Variants in ZNF66 observed in about 807,000 individuals in gnomAD.
ZNF66 encodes putative zinc finger protein 66.
ZNF66 carries 32 observed loss-of-function variants against 35.2 expected under a neutral mutation model. The ratio of observed to expected loss-of-function variants is 0.91; its 90% confidence interval spans 0.69 to 1.22. The LOEUF is 1.22. Ranked by LOEUF, ZNF66 falls within the 50% of genes most tolerant of loss-of-function variation. The probability of loss-of-function intolerance (pLI) is 0.00; values close to 1 mark genes in which losing one functional copy is unlikely to be tolerated. For synonymous variants in ZNF66, 231 were observed against 181.3 expected (o/e 1.27, Z -2.20); for missense variants, 666 against 543.1 (o/e 1.23, Z -2.25).
intron 1 of ZNF66, chr19:20,785,000 T>C (rs1971274810): frequency 6.6e-6 from 1 of 152,470 alleles, no homozygotes; most frequent in Non-Finnish European, 1.5e-5. Context: ...TCTGATGTTA[T>C]CTCTATCTGG....
At chr19:20,797,207 T>TATATTAGTGTG (rs1568498029) in intron 3 of ZNF66, among the ~76,000 whole-genome samples, 53 of 98,322 alleles carry the variant, frequency 5.4e-4, no homozygotes, top group African/African-American at 2.3e-3. Context: ...TTTTTTTTTT[T>TATATTAGTGTG]TTTTTTTTTT....
At position 20,780,127 on chromosome 19, in the gene ZNF66, A is replaced by C. The variant is rs568035644; in HGVS notation, c.3+3677A>C. 2.1e-4 allele frequency among the ~76,000 whole-genome samples: 32 copies of C among 152,142 alleles called. 1 individual carries two copies. In the South Asian group the frequency reaches 5.8e-3, roughly 28 times the overall value. On this transcript the variant is annotated intron_variant, in intron 1 of 3. Coordinates refer to ENST00000344519, the MANE Select transcript of ZNF66 (RefSeq NM_001355197.2). ...AAATTATTTTGAGCACTGAAGACAA[A>C]TTCAGCTGTTTTTTTAATGAGAAAA...
At chr19:20,789,342 G>A (rs934924695) in intron 1 of ZNF66, among the ~76,000 whole-genome samples, 2 of 152,124 alleles carry the variant, frequency 1.3e-5, no homozygotes, top group African/African-American at 2.4e-5. Context: ...TTTCCTCAGA[G>A]AACTGATTAG....
intron 3 of ZNF66, among the ~76,000 whole-genome samples, chr19:20,803,131 T>A (rs994768180): frequency 2.0e-5 from 3 of 152,184 alleles, no homozygotes; most frequent in African/African-American, 7.2e-5. Flanking sequence ...CAACTGACTC[T>A]TGTAAAAAGG....
At position 20,807,663 on chromosome 19, in the gene ZNF66, C is replaced by T. The variant is rs1252238820; in HGVS notation, c.*341C>T. ...TGTGATGATCTCGGATCACTGAAAC[C>T]TCTGCCTCCCGGGTTCAAGCCATTT... On this transcript the variant is annotated 3_prime_UTR_variant, in exon 4 of 4. Coordinates refer to ENST00000344519, the MANE Select transcript of ZNF66 (RefSeq NM_001355197.2). 6.6e-6 allele frequency among the ~76,000 whole-genome samples: 1 copy of T among 151,380 alleles called. No individual in the cohort carries two copies. Among genetic ancestry groups the T allele is most frequent in the Admixed American group, 6.6e-5 (1 of 15,174 alleles).
chr19:20,805,922 C>T lies in ZNF66; in HGVS notation c.322C>T (p.His108Tyr), dbSNP rs778251510. ...ACTGAGAAGGCATAAAAAATGTGGA[C>T]ATGATAATTTGCAGTTAAAAAAAGG... ...LILRRHKKCGHDNLQLKKGCE... is the reference protein window; with the variant it reads ...LILRRHKKCGYDNLQLKKGCE... Residue 108 changes from histidine (H) to tyrosine (Y), a missense_variant, in exon 4 of 4, where the codon CAT becomes TAT. His to Tyr is a moderately conservative substitution (Grantham distance 83, BLOSUM62 2). Transcript: ENST00000344519. 4.1e-5 allele frequency: 28 copies of T among 675,218 alleles called. 1 individual carries two copies. The Middle Eastern group carries it at 2.5e-3, about 61-fold the overall frequency. 41.8% of individuals were successfully genotyped at this position (675,218 alleles called of 1,614,324 possible).
At chr19:20,778,731 C>T (rs532720844) in intron 1 of ZNF66, among the ~76,000 whole-genome samples, 15 of 149,016 alleles carry the variant, frequency 1.0e-4, no homozygotes, top group African/African-American at 2.5e-4. Context: ...TGCAGTGAGC[C>T]GAGATCATGC....
chr19:20,780,827 T>G (rs904013233), intron 1 of ZNF66, among the ~76,000 whole-genome samples: 67 of 152,080 alleles, frequency 4.4e-4, no homozygotes, highest in African/African-American at 1.4e-3. Context: ...GACTGAAAAC[T>G]TAGAGGACAG....
At chr19:20,800,519 T>C (rs1971438215) in intron 3 of ZNF66, among the ~76,000 whole-genome samples, 1 of 152,106 alleles carries the variant, frequency 6.6e-6, no homozygotes, top group Non-Finnish European at 1.5e-5. Flanking sequence ...GTGGGACATA[T>C]TTGGGTCATG....
Position 20,806,556 on chromosome 19 carries a change from G to A in ZNF66, c.956G>A (p.Gly319Asp). 1 of 1,562,932 alleles carries A rather than the reference G, an allele frequency of 6.4e-7. No homozygotes were observed. Among genetic ancestry groups the A allele is most frequent in the South Asian group, 1.1e-5 (1 of 90,032 alleles). ...GEKPYKCEEC[G>D]KAFNWSSHLT... is the part of the protein sequence containing the mutation. Reference sequence around the variant, plus strand: ...AAACCCTACAAATGTGAAGAATGTGGTAAAGCCTTCAACTGGTCCTCACAC... The same window carrying A: ...AAACCCTACAAATGTGAAGAATGTGATAAAGCCTTCAACTGGTCCTCACAC... Residue 319 changes from glycine (G) to aspartate (D), a missense_variant, in exon 4 of 4, where the codon GGT becomes GAT. Coordinates refer to ENST00000344519, the MANE Select transcript of ZNF66 (RefSeq NM_001355197.2).
intron 1 of ZNF66, among the ~76,000 whole-genome samples, chr19:20,780,688 A>C (rs1971237703): frequency 6.6e-6 from 1 of 152,048 alleles, no homozygotes; most frequent in Non-Finnish European, 1.5e-5. Flanking sequence ...GGTGCCAGAA[A>C]AAAGATATCA....
At chr19:20,781,979 C>T (rs1368592124) in intron 1 of ZNF66, among the ~76,000 whole-genome samples, 1 of 152,066 alleles carries the variant, frequency 6.6e-6, no homozygotes, top group Non-Finnish European at 1.5e-5. Context: ...ACTTATTGCC[C>T]AGGCCAGAGT....
chr19:20,788,786 T>C (rs1446066760), intron 1 of ZNF66, among the ~76,000 whole-genome samples: 2 of 152,122 alleles, frequency 1.3e-5, no homozygotes, highest in Non-Finnish European at 2.9e-5. Flanking sequence ...GGCATGGTTG[T>C]TCATGCTTGT....
intron 3 of ZNF66, among the ~76,000 whole-genome samples, chr19:20,803,625 A>C (rs1010220845): frequency 6.6e-6 from 1 of 152,092 alleles, no homozygotes; most frequent in Admixed American, 6.6e-5. Flanking sequence ...TTTCTGCACC[A>C]TTATGATAAT....
chr19:20,796,969 GTC>G (rs1056692170), intron 3 of ZNF66, among the ~76,000 whole-genome samples: 1 of 151,974 alleles, frequency 6.6e-6, no homozygotes, highest in Admixed American at 6.6e-5. Flanking sequence ...TCATGCCTCA[GTC>G]TCTCAAGTAG....
At chr19:20,779,702 G>A (rs946421274) in intron 1 of ZNF66, among the ~76,000 whole-genome samples, 11 of 151,092 alleles carry the variant, frequency 7.3e-5, no homozygotes, top group African/African-American at 1.7e-4. Flanking sequence ...TGAGGTGGGC[G>A]GATCACCTGA....
chr19:20,796,470 G>A (rs1971393586), intron 3 of ZNF66, among the ~76,000 whole-genome samples: 1 of 152,032 alleles, frequency 6.6e-6, no homozygotes, highest in African/African-American at 2.4e-5. Context: ...AGGCAAAAAG[G>A]AATTAAAGGA....
Position 20,806,786 on chromosome 19 carries a change from C to G in ZNF66, c.1186C>G (p.Pro396Ala). The stretch of plus-strand genomic sequence containing the variant: ...TAAGATAATTCATACTGGAAAGAAA[C>G]CTTACAAATGTGAAGAATGTGGCAA... ...AHKIIHTGKKPYKCEECGKVF... is the reference protein window; with the variant it reads ...AHKIIHTGKKAYKCEECGKVF... Residue 396 changes from proline (P) to alanine (A), a missense_variant, in exon 4 of 4, where the codon CCT becomes GCT. Coordinates refer to ENST00000344519, the MANE Select transcript of ZNF66 (RefSeq NM_001355197.2). The G allele has an allele frequency of 7.6e-7, 1 of 1,318,682 alleles. No homozygotes were observed. Among genetic ancestry groups the G allele is most frequent in the Non-Finnish European group, 1.1e-6 (1 of 914,014 alleles). The allele number at this position is 1,318,682 out of a possible 1,614,324, so 81.7% of individuals were successfully genotyped here. A position where few individuals can be genotyped will look rare whatever the true frequency, so the allele number is the denominator to read the frequency against.
chr19:20,806,823 A>G lies in ZNF66; in HGVS notation c.1223A>G (p.His408Arg). The change falls in exon 4 of 4, where the codon CAC (histidine) becomes CGC (arginine). Residue 408 changes from histidine to arginine, a missense_variant. By Grantham distance (29) the His-to-Arg change is conservative. Transcript: ENST00000344519. Reference sequence around the variant, plus strand: ...GAAGAATGTGGCAAAGTGTTTAAGCACTCCTCTCCCCTTTCTAAACATAAG... The same window carrying G: ...GAAGAATGTGGCAAAGTGTTTAAGCGCTCCTCTCCCCTTTCTAAACATAAG... Reference protein sequence around the residue: ...KCEECGKVFKHSSPLSKHKRI... With the variant: ...KCEECGKVFKRSSPLSKHKRI... 2 of 1,277,862 alleles carry G rather than the reference A, an allele frequency of 1.6e-6. No individual in the cohort carries two copies. Among genetic ancestry groups the G allele is most frequent in the Non-Finnish European group, 1.1e-6 (1 of 879,644 alleles). The allele number at this position is 1,277,862 out of a possible 1,614,324, so 79.2% of individuals were successfully genotyped here. A position where few individuals can be genotyped will look rare whatever the true frequency, so the allele number is the denominator to read the frequency against.
Sources: allele counts gnomAD v4.1 joint callset (sites outside exome capture counted in the v4.1 genomes callset), GRCh38; gene constraint gnomAD v4.1.1; transcripts MANE v1.5; gene names NCBI Gene and HGNC (gene_info 2026-07-23, HGNC 2026-07-21).